MTMR12: variants seen among roughly 807,000 people sequenced by gnomAD.
MTMR12 encodes myotubularin related protein 12, also known as myotubularin-related protein 12.
Under a neutral mutation model 96.7 loss-of-function variants are expected in MTMR12, and 33 were observed. That is an observed-to-expected ratio of 0.34 (90% CI 0.26 to 0.46). The LOEUF is 0.46. Ranked by LOEUF, MTMR12 falls within the 20% of genes least tolerant of loss-of-function variation. The pLI, the probability that MTMR12 is intolerant of heterozygous loss-of-function variation, is 1.00. For synonymous variants in MTMR12, 298 were observed against 327.2 expected (o/e 0.91, Z 0.96); for missense variants, 721 against 896.1 (o/e 0.80, Z 2.49).
intron 1 of MTMR12, among the ~76,000 whole-genome samples, chr5:32,279,286 AGT>A (rs1750189705): frequency 6.6e-6 from 1 of 151,754 alleles, no homozygotes; most frequent in Admixed American, 6.6e-5. Context: ...CAGGTATGGT[AGT>A]ACACACCTGA....
intron 8 of MTMR12, among the ~76,000 whole-genome samples, chr5:32,252,768 C>T (rs77643721): frequency 0.015 from 2,350 of 152,272 alleles, 32 homozygotes; most frequent in Non-Finnish European, 0.024. Flanking sequence ...AGATAAACGG[C>T]TTTGTTTTAT....
intron 1 of MTMR12, among the ~76,000 whole-genome samples, chr5:32,311,942 T>C (rs1751614414): frequency 6.6e-6 from 1 of 152,224 alleles, no homozygotes; most frequent in South Asian, 2.1e-4. Flanking sequence ...CTACACCGTA[T>C]AATTTACTTA....
At chr5:32,301,264 G>A (rs1035724680) in intron 1 of MTMR12, among the ~76,000 whole-genome samples, 7 of 152,128 alleles carry the variant, frequency 4.6e-5, no homozygotes, top group Non-Finnish European at 1.0e-4. Flanking sequence ...GCCAGCCCAG[G>A]AGTCCCTCAG....
At chr5:32,262,164 C>T (rs141545880) in intron 7 of MTMR12, among the ~76,000 whole-genome samples, 3 of 152,316 alleles carry the variant, frequency 2.0e-5, no homozygotes, top group African/African-American at 7.2e-5. Context: ...TAAAATGGAA[C>T]AGTCTCTGTG....
intron 10 of MTMR12, chr5:32,247,770 A>G: frequency 2.0e-6 from 2 of 985,420 alleles, no homozygotes; most frequent in African/African-American, 3.5e-5. Context: ...GGAGAAGAGG[A>G]GGGTGGCCGT....
At chr5:32,290,276 CT>C (rs1224137959) in intron 1 of MTMR12, among the ~76,000 whole-genome samples, 2 of 152,178 alleles carry the variant, frequency 1.3e-5, no homozygotes, top group African/African-American at 4.8e-5. Context: ...ACCTTGATCG[CT>C]TTTTGCTTCC....
At chr5:32,288,038 T>C (rs1188299098) in intron 1 of MTMR12, among the ~76,000 whole-genome samples, 1 of 152,166 alleles carries the variant, frequency 6.6e-6, no homozygotes, top group African/African-American at 2.4e-5. Context: ...GTCTTATCTC[T>C]GGCAGAGAAA....
intron 1 of MTMR12, among the ~76,000 whole-genome samples, chr5:32,278,823 A>G (rs1049568795): frequency 4.6e-5 from 7 of 152,174 alleles, no homozygotes; most frequent in African/African-American, 1.7e-4. Flanking sequence ...CACGCCTGTA[A>G]TCCCAGCACT....
Position 32,268,768 on chromosome 5 carries a change from G to A in MTMR12, c.516C>T (p.Thr172=). The change falls in exon 6 of 16, where the codon ACC becomes ACT. Residue 172 remains threonine, a synonymous_variant. Transcript: ENST00000382142. Reference sequence around the variant, plus strand: ...ATCGTTTAAGCAGTTTAGGAGCCTGGGTATGATGAATTATGCCACTGACAA... The same window carrying A: ...ATCGTTTAAGCAGTTTAGGAGCCTGAGTATGATGAATTATGCCACTGACAA... ...KRIVSGIIHH[T]QAPKLLKRLF... is the part of the protein sequence containing the mutation. 7 of 1,613,706 alleles carry A rather than the reference G, an allele frequency of 4.3e-6. No individual in the cohort carries two copies. The highest frequency in any genetic ancestry group is 2.2e-5 in the South Asian group (2 of 91,056).
At chr5:32,263,565 G>A (rs1453597718) in intron 6 of MTMR12, among the ~76,000 whole-genome samples, 1 of 151,898 alleles carries the variant, frequency 6.6e-6, no homozygotes, top group Admixed American at 6.6e-5. Flanking sequence ...AGCCTCATGA[G>A]TAGCTGGGAC....
At chr5:32,274,784 G>A (rs977531535) in intron 2 of MTMR12, among the ~76,000 whole-genome samples, 26 of 152,072 alleles carry the variant, frequency 1.7e-4, no homozygotes, top group African/African-American at 5.3e-4. Flanking sequence ...CTTTCAATGC[G>A]TCACCTCTCC....
intron 1 of MTMR12, among the ~76,000 whole-genome samples, chr5:32,279,963 G>C (rs899091802): frequency 1.3e-5 from 2 of 152,190 alleles, no homozygotes; most frequent in African/African-American, 2.4e-5. Context: ...ACTAGTACCA[G>C]TCCGCAGTCT....
chr5:32,279,246 A>G (rs1750187406), intron 1 of MTMR12, among the ~76,000 whole-genome samples: 1 of 151,914 alleles, frequency 6.6e-6, no homozygotes, highest in Non-Finnish European at 1.5e-5. Context: ...TCTCTACAAA[A>G]CAAACAAACA....
chr5:32,312,749 C>G lies in MTMR12; in HGVS notation c.81+9G>C. 2 of 1,506,882 alleles carry G rather than the reference C, an allele frequency of 1.3e-6. No homozygotes were observed. The highest frequency in any genetic ancestry group is 1.8e-6 in the Non-Finnish European group (2 of 1,129,584). The allele number at this position is 1,506,882 out of a possible 1,614,324, so 93.3% of individuals were successfully genotyped here. On this transcript the variant is annotated intron_variant, in intron 1 of 15. Coordinates refer to ENST00000382142, the MANE Select transcript of MTMR12 (RefSeq NM_001040446.3). This position sits in a 1 kb window ranked among gnomAD's most constrained non-coding sequence, Gnocchi z 5.0. ...TGCCCGACGCCCCGCCTGCGCGGCG[C>G]CCCCTCACCTCAGGGCGTACGTACG...
In MTMR12 at chr5:32,233,901, A is replaced by G; in HGVS notation, c.1546T>C (p.Leu516=). 1 of 1,614,174 alleles carries G rather than the reference A, an allele frequency of 6.2e-7. No individual in the cohort carries two copies. The highest frequency in any genetic ancestry group is 8.5e-7 in the Non-Finnish European group (1 of 1,180,030). ...REGQDTQSKP[L]NLLTVWDWSV... ...CAATCCCACACGGTGAGCAGATTCA[A>G]AGGCTTGCTTTGTGTATCCTGGCCT... Residue 516 remains leucine, a synonymous_variant, in exon 15 of 16, where the codon TTG becomes CTG. Coordinates refer to ENST00000382142, the MANE Select transcript of MTMR12 (RefSeq NM_001040446.3). The surrounding 1 kb of genome is among the most constrained non-coding windows in gnomAD (Gnocchi z 5.0).
At chr5:32,296,574 G>C (rs946503163) in intron 1 of MTMR12, 1 of 228,930 alleles carries the variant, frequency 4.4e-6, no homozygotes, top group Admixed American at 4.4e-5. Flanking sequence ...GTGAGGTGGT[G>C]GGGGAGTGGG....
chr5:32,248,251 G>T, intron 9 of MTMR12, 125 bp from the exon 10 acceptor site: 1 of 1,087,446 alleles, frequency 9.2e-7, no homozygotes, highest in Non-Finnish European at 1.3e-6. Context: ...TCACCTACCA[G>T]GCAATTGCTG....
intron 1 of MTMR12, among the ~76,000 whole-genome samples, chr5:32,287,664 G>A (rs1750590216): frequency 6.6e-6 from 1 of 152,108 alleles, no homozygotes; most frequent in South Asian, 2.1e-4. Context: ...TTTGTCGTGG[G>A]GTTTCTGGAG....
intron 6 of MTMR12, among the ~76,000 whole-genome samples, chr5:32,264,588 A>G (rs150986552): frequency 0.014 from 2,067 of 151,910 alleles, 53 homozygotes; most frequent in African/African-American, 0.048. Flanking sequence ...GGCCTCCTGA[A>G]TAGCTGGGAT....
Sources: gnomAD v4.1 joint callset for allele counts (sites outside exome capture counted in the v4.1 genomes callset) on GRCh38, gnomAD v4.1.1 for gene constraint, Gnocchi (gnomAD v3.1) non-coding constraint, MANE v1.5 for transcripts, NCBI Gene and HGNC (gene_info 2026-07-23, HGNC 2026-07-21) for gene names.